ZNF385D: variants seen among roughly 807,000 people sequenced by gnomAD.
The protein encoded by ZNF385D is zinc finger protein 385D.
A neutral mutation model predicts 35.8 loss-of-function variants in ZNF385D; 15 were observed. The ratio of observed to expected loss-of-function variants is 0.42; its 90% CI spans 0.28 to 0.64. The LOEUF is 0.64. ZNF385D is among the 30% of genes least tolerant of loss of function. The pLI is 0.23. For missense variants in ZNF385D, 474 were observed against 494.6 expected, an observed-to-expected ratio of 0.96 and a Z score of 0.39; for synonymous variants, 212 against 186.8, an observed-to-expected ratio of 1.13 and a Z score of -1.10.
intron 2 of ZNF385D, among the ~76,000 whole-genome samples, chr3:22,211,817 A>G (rs551616119): frequency 6.6e-6 from 1 of 152,086 alleles, no homozygotes; most frequent in East Asian, 1.9e-4. Flanking sequence ...ACTGCAGTGT[A>G]TAAATTACCC....
chr3:21,742,533 A>G (rs1359915006), intron 1 of ZNF385D, among the ~76,000 whole-genome samples: 3 of 152,228 alleles, frequency 2.0e-5, no homozygotes, highest in Non-Finnish European at 2.9e-5. Context: ...TACATTTCCC[A>G]GGCCACCTCA....
intron 2 of ZNF385D, among the ~76,000 whole-genome samples, chr3:22,314,719 G>A (rs766825492): frequency 1.3e-5 from 2 of 152,076 alleles, no homozygotes; most frequent in Non-Finnish European, 2.9e-5. Context: ...TCCCCATTGA[G>A]AATGCATGCT....
chr3:21,749,003 C>G lies in ZNF385D; in HGVS notation c.22+1892G>C, dbSNP rs144776838. On this transcript the variant is annotated intron_variant, in intron 1 of 7. Transcript: ENST00000281523. ...GTACGAGAAGCTGCATAGCATAACC[C>G]GAAAGAAACAGCATTCCTGAATACA... is the stretch of plus-strand genomic sequence containing the variant. 2.0e-3 allele frequency among the ~76,000 whole-genome samples: 306 copies of G among 152,002 alleles called. 5 individuals are homozygous for G. The highest frequency in any genetic ancestry group is 1.4e-3 in the Non-Finnish European group (95 of 67,988).
Position 21,646,266 on chromosome 3 carries a change from C to T in ZNF385D, c.165+18620G>A, listed in dbSNP as rs1399847737. Among the ~76,000 whole-genome samples the T allele has an allele frequency of 6.6e-6, 1 of 152,164 alleles. No homozygotes were observed. The highest frequency in any genetic ancestry group is 1.5e-5 in the Non-Finnish European group (1 of 68,040). On this transcript the variant is annotated intron_variant, in intron 2 of 7. Coordinates refer to ENST00000281523, the MANE Select transcript of ZNF385D (RefSeq NM_024697.3). The surrounding 1 kb of genome is among the most constrained non-coding windows in gnomAD (Gnocchi z 4.3). ...TTAAGTAAATGAAGAGGAGAGGAAA[C>T]TGTCATACTTATGGACCTGCTTATT...
intron 2 of ZNF385D, among the ~76,000 whole-genome samples, chr3:21,664,534 T>G (rs1183763304): frequency 6.6e-6 from 1 of 152,210 alleles, no homozygotes; most frequent in Non-Finnish European, 1.5e-5. Context: ...ACATTTTTAA[T>G]TTTTAAATAC....
chr3:22,115,727 T>A (rs1702773913), intron 3 of ZNF385D, among the ~76,000 whole-genome samples: 1 of 152,056 alleles, frequency 6.6e-6, no homozygotes, highest in Non-Finnish European at 1.5e-5. Context: ...TAGTAGTAGA[T>A]TTCCTAATGC....
At chr3:21,949,507 G>C (rs17010418) in intron 3 of ZNF385D, among the ~76,000 whole-genome samples, 3 of 147,900 alleles carry the variant, frequency 2.0e-5, no homozygotes, top group African/African-American at 7.5e-5. Flanking sequence ...TTCTGAGTTC[G>C]GCCTTCATCT....
chr3:22,092,134 G>C (rs1468503665), intron 3 of ZNF385D, among the ~76,000 whole-genome samples: 1 of 152,160 alleles, frequency 6.6e-6, no homozygotes, highest in African/African-American at 2.4e-5. Flanking sequence ...CACTGTCCTA[G>C]TCATCACTTT....
At chr3:21,883,281 A>C (rs1698372501) in intron 3 of ZNF385D, among the ~76,000 whole-genome samples, 1 of 151,898 alleles carries the variant, frequency 6.6e-6, no homozygotes, top group African/African-American at 2.4e-5. Flanking sequence ...AAACTTAAAG[A>C]TTTATATTAA....
intron 4 of ZNF385D, among the ~76,000 whole-genome samples, chr3:21,439,487 T>C (rs2125241631): frequency 6.6e-6 from 1 of 152,130 alleles, no homozygotes; most frequent in South Asian, 2.1e-4. Flanking sequence ...GAAGCCAGCG[T>C]GACACTGTGG....
At chr3:22,372,671 C>G (rs1177075111) in exon 2 of ZNF385D, 1 of 184,686 alleles carries the variant, frequency 5.4e-6, no homozygotes, top group Non-Finnish European at 1.0e-5. Context: ...GAACGGTCTC[C>G]GTTGCGCAGC....
intron 3 of ZNF385D, among the ~76,000 whole-genome samples, chr3:21,878,394 G>C (rs934953898): frequency 6.6e-6 from 1 of 151,944 alleles, no homozygotes; most frequent in African/African-American, 2.4e-5. Flanking sequence ...CCTACTATCA[G>C]TTTCATGAGT....
chr3:21,461,415 G>C (rs535336213), intron 4 of ZNF385D, among the ~76,000 whole-genome samples: 1 of 152,072 alleles, frequency 6.6e-6, no homozygotes, highest in Non-Finnish European at 1.5e-5. Flanking sequence ...GGGCGTCGTG[G>C]TGGGTGCCTG....
At chr3:22,169,521 CTAGT>C (rs1023725522) in intron 2 of ZNF385D, among the ~76,000 whole-genome samples, 4 of 152,078 alleles carry the variant, frequency 2.6e-5, no homozygotes, top group Non-Finnish European at 4.4e-5. Context: ...ATATTCCTTA[CTAGT>C]TAAGTAAAGT....
intron 2 of ZNF385D, among the ~76,000 whole-genome samples, chr3:22,304,603 C>T (rs555005031): frequency 3.9e-5 from 6 of 152,116 alleles, no homozygotes; most frequent in Non-Finnish European, 8.8e-5. Context: ...CCACTTTTTC[C>T]AGCACCAATT....
At chr3:22,216,623 G>A (rs1024129351) in intron 2 of ZNF385D, among the ~76,000 whole-genome samples, 5 of 152,132 alleles carry the variant, frequency 3.3e-5, no homozygotes, top group African/African-American at 1.2e-4. Flanking sequence ...GGATAAGAGT[G>A]AGGAATGAGT....
intron 2 of ZNF385D, among the ~76,000 whole-genome samples, chr3:21,608,023 G>GTTTTTTTTTGTTTTTTTTTTT (rs1553622610): frequency 1.2e-4 from 14 of 120,240 alleles, no homozygotes; most frequent in African/African-American, 4.2e-4. Context: ...TTTTTTTTTT[G>GTTTTTTTTTGTTTTTTTTTTT]TTTTTTTTTT....
chr3:21,628,603 A>T (rs2065198577), intron 2 of ZNF385D, among the ~76,000 whole-genome samples: 1 of 152,092 alleles, frequency 6.6e-6, no homozygotes, highest in African/African-American at 2.4e-5. Context: ...TGAGTTTGTC[A>T]ATTGTTGCTA....
At chr3:21,963,829 A>G (rs1163026829) in intron 3 of ZNF385D, among the ~76,000 whole-genome samples, 1 of 152,178 alleles carries the variant, frequency 6.6e-6, no homozygotes, top group Non-Finnish European at 1.5e-5. Flanking sequence ...CTTGTAAATT[A>G]AAATAATGGC....
Sources: allele counts gnomAD v4.1 joint callset (sites outside exome capture counted in the v4.1 genomes callset), GRCh38; gene constraint gnomAD v4.1.1; non-coding constraint Gnocchi (gnomAD v3.1); transcripts MANE v1.5; gene names NCBI Gene and HGNC (gene_info 2026-07-23, HGNC 2026-07-21).